Variants in SH3PXD2A observed in about 807,000 individuals in gnomAD.
The protein encoded by SH3PXD2A is SH3 and PX domains 2A, also known as SH3 and PX domain-containing protein 2A.
Under a neutral mutation model 115.2 loss-of-function variants are expected in SH3PXD2A, and 32 were observed. The observed-to-expected ratio is 0.28, with a 90% confidence interval of 0.21 to 0.37. The LOEUF (loss-of-function observed/expected upper bound fraction) is 0.37, where lower values mean the gene tolerates loss of function less well. Ranked by LOEUF, SH3PXD2A falls within the 10% of genes least tolerant of loss-of-function variation. The probability of loss-of-function intolerance (pLI) is 1.00; values close to 1 mark genes in which losing one functional copy is unlikely to be tolerated. For missense variants in SH3PXD2A, 1,328 were observed against 1,498.7 expected (o/e 0.89, Z 1.88); for synonymous variants, 610 against 629.1 (o/e 0.97, Z 0.45).
chr10:103,718,543 C>T (rs952836515), intron 5 of SH3PXD2A, among the ~76,000 whole-genome samples: 1 of 152,242 alleles, frequency 6.6e-6, no homozygotes, highest in Admixed American at 6.5e-5. Context: ...CAAGGCCTGC[C>T]TCCCCACTTG....
intron 5 of SH3PXD2A, among the ~76,000 whole-genome samples, chr10:103,704,721 T>A (rs1479104765): frequency 6.6e-6 from 1 of 152,190 alleles, no homozygotes; most frequent in Non-Finnish European, 1.5e-5. Context: ...GCTCCTGGGC[T>A]AGCCTGGGTG....
intron 13 of SH3PXD2A, among the ~76,000 whole-genome samples, chr10:103,607,639 G>C (rs1219435383): frequency 6.6e-6 from 1 of 152,206 alleles, no homozygotes; most frequent in Non-Finnish European, 1.5e-5. Context: ...CCACCACCCC[G>C]TCTGGGAGGT....
rs764682507 is a variant in SH3PXD2A, at chr10:103,602,185, G to A, written c.3033C>T (p.Gly1011=). The A allele has an allele frequency of 1.8e-5, 28 of 1,575,204 alleles. No homozygotes were observed. The highest frequency in any genetic ancestry group is 1.7e-4 in the Middle Eastern group (1 of 5,852). The change falls in exon 15 of 15, where the codon GGC becomes GGT. Residue 1011 remains glycine, a synonymous_variant. Coordinates refer to ENST00000369774, the MANE Select transcript of SH3PXD2A (RefSeq NM_001394015.1). ...TGCTAAAGGAGGAGTTCCGTCGGACGCCTCGGAGGCCATCAGTGGCCGTGA... is the reference window on the plus strand; with the variant it reads ...TGCTAAAGGAGGAGTTCCGTCGGACACCTCGGAGGCCATCAGTGGCCGTGA... ...ESLTATDGLR[G]VRRNSSFSTA...
chr10:103,672,801 A>G (rs935512427), intron 6 of SH3PXD2A, among the ~76,000 whole-genome samples: 2 of 152,242 alleles, frequency 1.3e-5, no homozygotes, highest in African/African-American at 4.8e-5. Flanking sequence ...TGGTAGGGAC[A>G]AAGCTGAAAG....
At chr10:103,615,967 A>T (rs1410684755) in intron 11 of SH3PXD2A, among the ~76,000 whole-genome samples, 1 of 134,860 alleles carries the variant, frequency 7.4e-6, no homozygotes, top group Non-Finnish European at 1.5e-5. Context: ...ATCCCACCCA[A>T]TGGGACAGAA....
intron 5 of SH3PXD2A, among the ~76,000 whole-genome samples, chr10:103,702,481 C>G (rs901778841): frequency 2.6e-5 from 4 of 151,968 alleles, no homozygotes; most frequent in Non-Finnish European, 4.4e-5. Context: ...CTAGAGCTAG[C>G]CCTTGAAAGA....
At chr10:103,822,766 C>A (rs1255334892) in intron 1 of SH3PXD2A, among the ~76,000 whole-genome samples, 2 of 152,048 alleles carry the variant, frequency 1.3e-5, no homozygotes, top group African/African-American at 4.8e-5. Context: ...GCTGAACCAC[C>A]CAAAAAAATT....
intron 2 of SH3PXD2A, among the ~76,000 whole-genome samples, chr10:103,772,522 G>A (rs934387276): frequency 2.0e-5 from 3 of 152,260 alleles, no homozygotes; most frequent in Non-Finnish European, 4.4e-5. Flanking sequence ...GCTGGAGTGA[G>A]AGGCATTTGG....
chr10:103,782,555 A>T (rs975257181), intron 2 of SH3PXD2A, among the ~76,000 whole-genome samples: 1 of 152,168 alleles, frequency 6.6e-6, no homozygotes, highest in Non-Finnish European at 1.5e-5. Context: ...TCATTCAACA[A>T]TGATTTCCCA....
chr10:103,621,253 C>T (rs569894325), intron 10 of SH3PXD2A, among the ~76,000 whole-genome samples: 1 of 152,314 alleles, frequency 6.6e-6, no homozygotes, highest in South Asian at 2.1e-4. Context: ...ACGTCCCACT[C>T]TCCTTTGCCG....
intron 3 of SH3PXD2A, among the ~76,000 whole-genome samples, chr10:103,743,459 T>A (rs1426072405): frequency 6.6e-6 from 1 of 152,008 alleles, no homozygotes; most frequent in Non-Finnish European, 1.5e-5. Context: ...GACTCTATCA[T>A]GGCTCACTTC....
chr10:103,653,204 C>A (rs2037156607), intron 8 of SH3PXD2A, among the ~76,000 whole-genome samples: 1 of 152,214 alleles, frequency 6.6e-6, no homozygotes, highest in East Asian at 1.9e-4. Context: ...TGGCCTCTGT[C>A]ACTTCTGGAT....
At chr10:103,673,764 G>A (rs1322738232) in intron 6 of SH3PXD2A, among the ~76,000 whole-genome samples, 1 of 152,192 alleles carries the variant, frequency 6.6e-6, no homozygotes, top group Non-Finnish European at 1.5e-5. Flanking sequence ...AGTGGGCCAT[G>A]AGCCCAGGTG....
intron 2 of SH3PXD2A, among the ~76,000 whole-genome samples, chr10:103,773,250 A>G: frequency 6.6e-6 from 1 of 151,526 alleles, no homozygotes; most frequent in East Asian, 1.9e-4. Context: ...AAGAGAAAAA[A>G]AGAGACAAGG....
chr10:103,803,854 G>A (rs190747032), intron 1 of SH3PXD2A, among the ~76,000 whole-genome samples: 46 of 152,308 alleles, frequency 3.0e-4, no homozygotes, highest in South Asian at 1.0e-3. Flanking sequence ...TACAGCCTGC[G>A]TTATACATTT....
chr10:103,737,193 G>A (rs947634025), intron 3 of SH3PXD2A, among the ~76,000 whole-genome samples: 3 of 152,206 alleles, frequency 2.0e-5, no homozygotes, highest in Non-Finnish European at 4.4e-5. Flanking sequence ...GCTGGATGTC[G>A]GTAGCTGTTC....
chr10:103,783,314 TGGA>T (rs886140523), intron 2 of SH3PXD2A, among the ~76,000 whole-genome samples: 4 of 152,190 alleles, frequency 2.6e-5, no homozygotes, highest in African/African-American at 9.7e-5. Context: ...GACTGGATTA[TGGA>T]GGAGGTGACC....
rs530569512 is a variant in SH3PXD2A at position 103,718,558 on chromosome 10, C to T, written c.398+5712G>A. ...CAAGGCCTGCCTCCCCACTTGGCTGCATGGCCTGGGGAAGTCAGGTAACTG... is the reference window on the plus strand; with the variant it reads ...CAAGGCCTGCCTCCCCACTTGGCTGTATGGCCTGGGGAAGTCAGGTAACTG... On this transcript the variant is annotated intron_variant, in intron 5 of 14. Coordinates refer to ENST00000369774, the MANE Select transcript of SH3PXD2A (RefSeq NM_001394015.1). 2.9e-4 allele frequency among the ~76,000 whole-genome samples: 44 copies of T among 152,354 alleles called. No homozygotes were observed. In the South Asian group the frequency reaches 3.5e-3, roughly 12 times the overall value.
At chr10:103,824,758 G>C (rs2039412803) in intron 1 of SH3PXD2A, among the ~76,000 whole-genome samples, 1 of 151,986 alleles carries the variant, frequency 6.6e-6, no homozygotes, top group Middle Eastern at 3.2e-3. Context: ...GTGTAGACCA[G>C]GTGTAGACAG....
Sources: allele counts gnomAD v4.1 joint callset (sites outside exome capture counted in the v4.1 genomes callset), GRCh38; gene constraint gnomAD v4.1.1; transcripts MANE v1.5; gene names NCBI Gene and HGNC (gene_info 2026-07-23, HGNC 2026-07-21).